Variants in GLIS3 observed in about 807,000 individuals in gnomAD.
GLIS3 encodes GLIS family zinc finger 3, also known as zinc finger protein GLIS3.
GLIS3 carries 53 observed loss-of-function variants against 78.6 expected under a neutral mutation model. The ratio of observed to expected loss-of-function variants is 0.67; its 90% CI spans 0.54 to 0.85. GLIS3 has a LOEUF of 0.85. GLIS3 is among the 40% of genes least tolerant of loss of function. The pLI is 0.00. For synonymous variants in GLIS3, 684 were observed against 509.9 expected (o/e 1.34, Z -4.60); for missense variants, 1,703 against 1,231.1 (o/e 1.38, Z -5.74).
chr9:4,069,009 AAAG>A (rs1827356492), intron 4 of GLIS3, among the ~76,000 whole-genome samples: 1 of 152,142 alleles, frequency 6.6e-6, no homozygotes, highest in Non-Finnish European at 1.5e-5. Flanking sequence ...AAGGCCCAGA[AAAG>A]TAAGTGGCTT....
At chr9:4,235,298 C>CAAAAAA (rs60654092) in intron 2 of GLIS3, among the ~76,000 whole-genome samples, 39 of 105,974 alleles carry the variant, frequency 3.7e-4, no homozygotes, top group African/African-American at 6.7e-4. Context: ...GACTCTGTCT[C>CAAAAAA]AAAAAAAAAA....
At chr9:4,070,263 CCT>C (rs1352296044) in intron 4 of GLIS3, among the ~76,000 whole-genome samples, 7 of 152,066 alleles carry the variant, frequency 4.6e-5, no homozygotes, top group Non-Finnish European at 1.0e-4. Context: ...GCTGAATTCC[CCT>C]CTCATGGGGA....
In GLIS3 at chr9:3,828,366, G is replaced by C. The variant is rs1311215845; in HGVS notation, c.2699C>G (p.Ser900Cys). ...PSSSSSLFGE[S>C]LRSGAEDATF... Reference sequence around the variant, plus strand: ...AGCATCTTCAGCCCCGCTGCGGAGAGACTCCCCAAAGAGGCTCGAGGAACT... The same window carrying C: ...AGCATCTTCAGCCCCGCTGCGGAGACACTCCCCAAAGAGGCTCGAGGAACT... Residue 900 changes from serine (S) to cysteine (C), a missense_variant, in exon 11 of 11, where the codon TCT becomes TGT. Ser to Cys is a moderately radical substitution (Grantham distance 112). Coordinates refer to ENST00000381971, the MANE Select transcript of GLIS3 (RefSeq NM_001042413.2). 1.9e-6 allele frequency: 3 copies of C among 1,613,666 alleles called. No individual in the cohort carries two copies. Among genetic ancestry groups the C allele is most frequent in the Non-Finnish European group, 1.7e-6 (2 of 1,180,012 alleles).
At chr9:4,166,517 T>G (rs1815854403) in intron 2 of GLIS3, among the ~76,000 whole-genome samples, 1 of 151,968 alleles carries the variant, frequency 6.6e-6, no homozygotes, top group Admixed American at 6.6e-5. Context: ...AAGGGCAGAG[T>G]GAAAGAGAAC....
At chr9:3,980,517 G>A (rs1819173060) in intron 4 of GLIS3, among the ~76,000 whole-genome samples, 1 of 152,172 alleles carries the variant, frequency 6.6e-6, no homozygotes, top group Non-Finnish European at 1.5e-5. Context: ...CTTTGTTCGA[G>A]TTTGCTTCCC....
intron 2 of GLIS3, among the ~76,000 whole-genome samples, chr9:4,183,787 A>C (rs1403771239): frequency 1.3e-5 from 2 of 152,252 alleles, no homozygotes; most frequent in African/African-American, 4.8e-5. Context: ...CTGCCTGGTC[A>C]TGATTCTGAA....
chr9:3,989,343 T>C (rs1820031694), intron 4 of GLIS3, among the ~76,000 whole-genome samples: 1 of 152,190 alleles, frequency 6.6e-6, no homozygotes, highest in African/African-American at 2.4e-5. Flanking sequence ...AGTTTTCTTA[T>C]AAAACTAATC....
chr9:4,413,442 C>T, the GLIS3 span, among the ~76,000 whole-genome samples: 1 of 152,126 alleles, frequency 6.6e-6, no homozygotes, highest in African/African-American at 2.4e-5. Context: ...AAGAGTTGTA[C>T]TTGCCTCCTA....
intron 4 of GLIS3, chr9:4,035,165 T>A (rs1159635156): frequency 6.6e-6 from 1 of 152,194 alleles, no homozygotes; most frequent in Non-Finnish European, 1.5e-5. Flanking sequence ...CTAAGCAGTT[T>A]CCAAATGTGC....
intron 4 of GLIS3, among the ~76,000 whole-genome samples, chr9:4,087,805 G>A (rs544805248): frequency 2.4e-4 from 36 of 152,210 alleles, no homozygotes; most frequent in Admixed American, 5.2e-4. Flanking sequence ...AGGCCTGACC[G>A]CTTCCTCCAT....
the GLIS3 span, among the ~76,000 whole-genome samples, chr9:4,433,835 G>C: frequency 5.9e-5 from 9 of 152,192 alleles, no homozygotes; most frequent in African/African-American, 2.2e-4. Context: ...CGCTGCTCAT[G>C]CCTGTAATCC....
the GLIS3 span, among the ~76,000 whole-genome samples, chr9:4,447,541 C>A: frequency 1.3e-5 from 2 of 152,050 alleles, no homozygotes; most frequent in African/African-American, 4.8e-5. Flanking sequence ...TTGTTTTATA[C>A]CTATTGTCCC....
chr9:4,052,326 G>C (rs909027861), intron 4 of GLIS3, among the ~76,000 whole-genome samples: 1 of 151,550 alleles, frequency 6.6e-6, no homozygotes, highest in African/African-American at 2.4e-5. Context: ...ATTTTTTTTT[G>C]TGGTAAAATT....
At chr9:4,234,173 A>G (rs765815688) in intron 2 of GLIS3, among the ~76,000 whole-genome samples, 1 of 152,142 alleles carries the variant, frequency 6.6e-6, no homozygotes, top group Non-Finnish European at 1.5e-5. Context: ...TCATGGGAGG[A>G]GCACTTCTAA....
Position 4,131,063 on chromosome 9 carries a change from A to AG in GLIS3, c.389-5123dup, listed in dbSNP as rs201057396. ...AGCTTTAAGATTTAATGACTGCCCT[A>AG]GGGGGGGTTGGGGCTTGCATAGGAC... On this transcript the variant is annotated intron_variant, in intron 2 of 10. Transcript: ENST00000381971. 7.8e-3 allele frequency among the ~76,000 whole-genome samples: 1,179 copies of AG among 152,108 alleles called. 12 individuals are homozygous for AG. Among genetic ancestry groups the AG allele is most frequent in the African/African-American group, 0.026 (1,097 of 41,478 alleles).
chr9:4,377,068 G>A, the GLIS3 span, among the ~76,000 whole-genome samples: 1 of 134,854 alleles, frequency 7.4e-6, no homozygotes, highest in Admixed American at 7.4e-5. Flanking sequence ...TGTAACACAG[G>A]GTTTGTGACG....
chr9:4,394,482 G>A, the GLIS3 span, among the ~76,000 whole-genome samples: 1 of 152,082 alleles, frequency 6.6e-6, no homozygotes, highest in Non-Finnish European at 1.5e-5. Flanking sequence ...TATGGTTGCA[G>A]TTCTTGAACA....
intron 2 of GLIS3, among the ~76,000 whole-genome samples, chr9:4,193,796 G>C (rs1182805956): frequency 6.6e-6 from 1 of 152,162 alleles, no homozygotes; most frequent in African/African-American, 2.4e-5. Context: ...AAAACTGCAG[G>C]CTGCACCGAA....
chr9:3,907,605 A>AACACACACACACACACACACACAC (rs1041005940), intron 6 of GLIS3, among the ~76,000 whole-genome samples: 1 of 92,256 alleles, frequency 1.1e-5, no homozygotes, highest in African/African-American at 4.7e-5. Context: ...CCACCCCCCA[A>AACACACACACACACACACACACAC]ACACACACAC....
Sources: allele counts gnomAD v4.1 joint callset (sites outside exome capture counted in the v4.1 genomes callset), GRCh38; gene constraint gnomAD v4.1.1; transcripts MANE v1.5; gene names NCBI Gene and HGNC (gene_info 2026-07-23, HGNC 2026-07-21).